The following SGCD variants were observed in gnomAD, a reference collection of about 807,000 sequenced individuals.
SGCD encodes the protein delta-sarcoglycan.
A neutral mutation model predicts 36.6 loss-of-function variants in SGCD; 18 were observed. That is an observed-to-expected ratio of 0.49 (90% confidence interval 0.34 to 0.73). The LOEUF (loss-of-function observed/expected upper bound fraction) is 0.73. Among genes scored for constraint, SGCD ranks in the 30% least tolerant of loss-of-function variants. The pLI is 0.01. For synonymous variants in SGCD, 133 were observed against 130.6 expected, an observed-to-expected ratio of 1.02 and a Z score of -0.12; for missense variants, 387 against 346.7, an observed-to-expected ratio of 1.12 and a Z score of -0.92.
intron 3 of SGCD, among the ~76,000 whole-genome samples, chr5:156,293,923 A>G (rs1434764783): frequency 2.0e-5 from 3 of 152,194 alleles, no homozygotes; most frequent in African/African-American, 4.8e-5. Flanking sequence ...CATTTTGAAT[A>G]GTATTGACAT....
intron 1 of SGCD, among the ~76,000 whole-genome samples, chr5:156,032,608 C>T (rs1561689320): frequency 7.2e-6 from 1 of 138,542 alleles, no homozygotes; most frequent in Non-Finnish European, 1.5e-5. Flanking sequence ...TTCTCAGCTA[C>T]TAGGGAGGCT....
chr5:156,277,836 C>T (rs898867093), intron 3 of SGCD, among the ~76,000 whole-genome samples: 5 of 152,132 alleles, frequency 3.3e-5, no homozygotes, highest in Non-Finnish European at 7.3e-5. Context: ...CTATTTGTAT[C>T]TCATACTTGC....
At chr5:156,383,907 T>C (rs1242709726) in intron 3 of SGCD, among the ~76,000 whole-genome samples, 1 of 152,204 alleles carries the variant, frequency 6.6e-6, no homozygotes, top group Non-Finnish European at 1.5e-5. Context: ...AATGCCAGAA[T>C]CATTTGAATA....
chr5:156,590,314 G>A (rs1015714491), intron 5 of SGCD, among the ~76,000 whole-genome samples: 21 of 152,226 alleles, frequency 1.4e-4, no homozygotes, highest in African/African-American at 5.1e-4. Flanking sequence ...TTCCCCTGGA[G>A]TGCTGCATGT....
chr5:156,440,110 C>T (rs1273088683), intron 3 of SGCD, among the ~76,000 whole-genome samples: 1 of 152,094 alleles, frequency 6.6e-6, no homozygotes, highest in Non-Finnish European at 1.5e-5. Flanking sequence ...AAAGAAAACC[C>T]CATGCCCACT....
chr5:156,061,574 C>A (rs1760208541), intron 1 of SGCD, among the ~76,000 whole-genome samples: 1 of 146,066 alleles, frequency 6.8e-6, no homozygotes, highest in Admixed American at 6.9e-5. Context: ...AATTGGACCC[C>A]TCAATGGAAA....
intron 1 of SGCD, among the ~76,000 whole-genome samples, chr5:156,012,933 A>G (rs1038121777): frequency 2.0e-5 from 3 of 149,846 alleles, no homozygotes; most frequent in African/African-American, 7.3e-5. Flanking sequence ...AATGATTTAT[A>G]GCATTCCATT....
chr5:155,845,453 C>T, the SGCD span: 2 of 152,384 alleles, frequency 1.3e-5, no homozygotes, highest in African/African-American at 4.8e-5. Context: ...GGCCATACCA[C>T]CCTGAACGCG....
chr5:156,181,401 A>T (rs545260648), intron 3 of SGCD, among the ~76,000 whole-genome samples: 1 of 152,206 alleles, frequency 6.6e-6, no homozygotes, highest in Non-Finnish European at 1.5e-5. Context: ...AAACTGACCC[A>T]TAGATTTTTC....
At chr5:156,475,570 C>A (rs1755143650) in intron 3 of SGCD, among the ~76,000 whole-genome samples, 1 of 152,104 alleles carries the variant, frequency 6.6e-6, no homozygotes, top group Non-Finnish European at 1.5e-5. Context: ...TCAGTCTAGC[C>A]AAAAGATAGG....
chr5:156,267,502 G>A (rs1291024508), intron 3 of SGCD, among the ~76,000 whole-genome samples: 1 of 152,146 alleles, frequency 6.6e-6, no homozygotes, highest in African/African-American at 2.4e-5. Flanking sequence ...CGGATCCAAG[G>A]CTTTCTAGCG....
chr5:156,230,870 A>G (rs756494258), intron 3 of SGCD, among the ~76,000 whole-genome samples: 2 of 152,174 alleles, frequency 1.3e-5, no homozygotes, highest in African/African-American at 2.4e-5. Context: ...AAATTCTAAA[A>G]AACGCTAGTA....
chr5:156,047,824 TC>T (rs1225518943), intron 1 of SGCD, among the ~76,000 whole-genome samples: 6 of 152,102 alleles, frequency 3.9e-5, no homozygotes, highest in African/African-American at 1.4e-4. Context: ...ATTTCTCTTT[TC>T]TTTTTTTTTA....
intron 7 of SGCD, among the ~76,000 whole-genome samples, chr5:156,650,994 A>G (rs1763438321): frequency 6.6e-6 from 1 of 152,106 alleles, no homozygotes; most frequent in African/African-American, 2.4e-5. Context: ...TTGTTTCTTG[A>G]CTTTTTAATA....
intron 1 of SGCD, among the ~76,000 whole-genome samples, chr5:155,981,324 G>T (rs1758224895): frequency 6.6e-6 from 1 of 152,178 alleles, no homozygotes; most frequent in African/African-American, 2.4e-5. Flanking sequence ...TGGTGGACCT[G>T]AGCTCAAAAT....
chr5:156,380,326 C>G (rs1770912179), intron 3 of SGCD, among the ~76,000 whole-genome samples: 1 of 152,156 alleles, frequency 6.6e-6, no homozygotes, highest in South Asian at 2.1e-4. Flanking sequence ...TCAGAGAACC[C>G]TCACTTGATG....
the SGCD span, among the ~76,000 whole-genome samples, chr5:155,761,809 C>T: frequency 1.3e-5 from 2 of 151,902 alleles, no homozygotes; most frequent in African/African-American, 4.8e-5. Context: ...TCATCCTCAC[C>T]ATCAACCTTT....
chr5:156,721,113 G>T (rs1277968150), intron 7 of SGCD, among the ~76,000 whole-genome samples: 2 of 152,194 alleles, frequency 1.3e-5, no homozygotes, highest in Non-Finnish European at 2.9e-5. Context: ...GGAAGGCTCT[G>T]GTGGGGCCTA....
chr5:156,251,500 A>G (rs564108498), intron 3 of SGCD, among the ~76,000 whole-genome samples: 23 of 147,958 alleles, frequency 1.6e-4, no homozygotes, highest in Non-Finnish European at 2.5e-4. Flanking sequence ...TGTTTGAATT[A>G]GATTTTATAT....
Sources: gnomAD v4.1 joint callset for allele counts (sites outside exome capture counted in the v4.1 genomes callset) on GRCh38, gnomAD v4.1.1 for gene constraint, MANE v1.5 for transcripts, NCBI Gene and HGNC (gene_info 2026-07-23, HGNC 2026-07-21) for gene names.